SYNE1: variants seen among roughly 807,000 people sequenced by gnomAD.
The protein encoded by SYNE1 is spectrin repeat containing nuclear envelope protein 1, also known as nesprin-1.
A neutral mutation model predicts 1,111.0 loss-of-function variants in SYNE1; 616 were observed. The observed-to-expected ratio is 0.55, with a 90% CI of 0.52 to 0.59. The LOEUF is 0.59. Ranked by LOEUF, SYNE1 falls within the 20% of genes least tolerant of loss-of-function variation. The pLI, the probability that SYNE1 is intolerant of heterozygous loss-of-function variation, is 0.00. For missense variants in SYNE1, 10,006 were observed against 10,417.0 expected (o/e 0.96, Z 1.72); for synonymous variants, 3,855 against 3,825.8 (o/e 1.01, Z -0.28).
intron 85 of SYNE1, 110 bp from the exon 86 acceptor site, chr6:152,318,373 C>A: frequency 8.6e-7 from 1 of 1,166,752 alleles, no homozygotes; most frequent in Non-Finnish European, 1.2e-6. Flanking sequence ...ATGAATAATT[C>A]TACTATAATT....
At chr6:152,551,072 A>AT (rs1412903057) in intron 3 of SYNE1, among the ~76,000 whole-genome samples, 2 of 152,148 alleles carry the variant, frequency 1.3e-5, no homozygotes, top group Non-Finnish European at 2.9e-5. Context: ...ACTTTTGTGG[A>AT]TTTTTTCCTG....
rs762161793 is a variant in SYNE1, at chr6:152,218,315, T to C, written c.22133A>G (p.Gln7378Arg). The C allele has an allele frequency of 4.2e-5, 68 of 1,614,156 alleles. No individual in the cohort carries two copies. The highest frequency in any genetic ancestry group is 5.5e-5 in the Non-Finnish European group (65 of 1,179,994). The change falls in exon 121 of 146, where the codon CAG becomes CGG. Residue 7378 changes from glutamine (Q) to arginine (R), a missense_variant. Coordinates refer to ENST00000367255, the MANE Select transcript of SYNE1 (RefSeq NM_182961.4). ...GAGGTCAGATGAGTGGCTAGGGTCCTGCCCTTGTAGTATTTCTTCAGCTTC... is the reference window on the plus strand; with the variant it reads ...GAGGTCAGATGAGTGGCTAGGGTCCCGCCCTTGTAGTATTTCTTCAGCTTC... Reference protein sequence around the residue: ...IVEAEEILQGQDPSHSSDLST... With the variant: ...IVEAEEILQGRDPSHSSDLST...
intron 56 of SYNE1, among the ~76,000 whole-genome samples, chr6:152,380,266 T>G (rs187115671): frequency 6.6e-6 from 1 of 152,226 alleles, no homozygotes; most frequent in Admixed American, 6.5e-5. Context: ...AGAAGTTTAC[T>G]AAATTTCCTT....
At chr6:152,350,919 A>C in intron 70 of SYNE1, 149 bp from the exon 71 acceptor site, 1 of 953,432 alleles carries the variant, frequency 1.0e-6, no homozygotes. Flanking sequence ...TTAAAGAGAG[A>C]GTGATTTATT....
In SYNE1 at chr6:152,481,455, T is replaced by C. The variant is rs1359983689; in HGVS notation, c.1350+1630A>G. The stretch of plus-strand genomic sequence containing the variant: ...CAAATATTTACATCAATTAAAATAG[T>C]TTCATATGTAGGTAACAGGTACACT... On this transcript the variant is annotated intron_variant, in intron 14 of 145. Coordinates refer to ENST00000367255, the MANE Select transcript of SYNE1 (RefSeq NM_182961.4). 6 of 323,886 alleles carry C rather than the reference T, an allele frequency of 1.9e-5. No individual in the cohort carries two copies. The East Asian group carries it at 3.1e-4, about 17-fold the overall frequency. 20.1% of individuals were successfully genotyped at this position (323,886 alleles called of 1,614,324 possible). A position where few individuals can be genotyped will look rare whatever the true frequency, so the allele number is the denominator to read the frequency against.
At position 152,358,447 on chromosome 6, in the gene SYNE1, G is replaced by C. The variant is rs923346023; in HGVS notation, c.10534C>G (p.Gln3512Glu). The C allele has an allele frequency of 1.2e-6, 2 of 1,614,172 alleles. No homozygotes were observed. Among genetic ancestry groups the C allele is most frequent in the South Asian group, 1.1e-5 (1 of 91,078 alleles). Residue 3512 changes from glutamine (Q) to glutamate (E), a missense_variant, in exon 66 of 146, where the codon CAA (glutamine) becomes GAA (glutamate). Gln to Glu is a conservative substitution (Grantham distance 29). Coordinates refer to ENST00000367255, the MANE Select transcript of SYNE1 (RefSeq NM_182961.4). ...ACTGAATACTGGTCGAGCTTTTCTT[G>C]TTCTTGCCCCAACCAAACTTCAAAT... ...KAFEVWLGQE[Q>E]EKLDQYSVLE...
At chr6:152,593,888 G>C (rs2099573659) in intron 3 of SYNE1, among the ~76,000 whole-genome samples, 1 of 152,144 alleles carries the variant, frequency 6.6e-6, no homozygotes, top group African/African-American at 2.4e-5. Flanking sequence ...CAGCATGTTA[G>C]TAACATGGGC....
rs1185769035 is a variant in SYNE1 at position 152,236,811 on chromosome 6, A to T, written c.20199+6T>A. On this transcript the variant is annotated splice_donor_region_variant and intron_variant, in intron 109 of 145. Transcript: ENST00000367255. ...TAAAGGCAATGTGGCGGCTTGTAAC[A>T]CCAACCTGGTAGAGTGTTATGCGGT... 6.2e-7 allele frequency: 1 copy of T among 1,614,038 alleles called. No homozygotes were observed. The highest frequency in any genetic ancestry group is 1.7e-5 in the Admixed American group (1 of 59,984).
rs1020676939 is a variant in SYNE1, at chr6:152,180,343, G to A, written c.23302-49C>T. On this transcript the variant is annotated intron_variant, in intron 128 of 145. Transcript: ENST00000367255. ...TAGGCAAAATGATTATCAGAGAGAAGACCACACTCCAAGGAAAATAGCAAA... is the reference window on the plus strand; with the variant it reads ...TAGGCAAAATGATTATCAGAGAGAAAACCACACTCCAAGGAAAATAGCAAA... The A allele has an allele frequency of 2.5e-6, 4 of 1,574,192 alleles. No individual in the cohort carries two copies. The South Asian group carries it at 4.4e-5, about 17-fold the overall frequency.
At chr6:152,365,441 C>T (rs934683521) in intron 62 of SYNE1, among the ~76,000 whole-genome samples, 1 of 152,044 alleles carries the variant, frequency 6.6e-6, no homozygotes, top group Admixed American at 6.6e-5. Flanking sequence ...TATTCTTTTT[C>T]TATGTGAGAA....
chr6:152,484,704 T>C, intron 13 of SYNE1, 131 bp downstream of exon 13: 2 of 935,498 alleles, frequency 2.1e-6, no homozygotes, highest in Non-Finnish European at 1.6e-6. Flanking sequence ...GATTCTCCCA[T>C]AGTTAAGTCT....
Position 152,488,388 on chromosome 6 carries a change from TACAA to T in SYNE1, c.1047+4_1047+7del, listed in dbSNP as rs777848987. The T allele has an allele frequency of 6.6e-6, 10 of 1,506,390 alleles. No homozygotes were observed. The African/African-American group carries it at 8.3e-5, about 12-fold the overall frequency. The allele number at this position is 1,506,390 out of a possible 1,614,324, so 93.3% of individuals were successfully genotyped here. ...TTGAAAAATTCAAAAATCTTCTCCA[TACAA>T]TACCTGATATTTATCCTGTAAATTT... On this transcript the variant is annotated splice_donor_5th_base_variant and intron_variant, in intron 12 of 145. Transcript: ENST00000367255.
chr6:152,465,768 C>CAT (rs1357296520), intron 17 of SYNE1, among the ~76,000 whole-genome samples: 3 of 139,524 alleles, frequency 2.2e-5, no homozygotes, highest in Non-Finnish European at 3.2e-5. Flanking sequence ...AGAACACATA[C>CAT]ACACACACAC....
At chr6:152,197,437 C>G (rs886310636) in intron 127 of SYNE1, among the ~76,000 whole-genome samples, 6 of 152,156 alleles carry the variant, frequency 3.9e-5, no homozygotes, top group Non-Finnish European at 7.3e-5. Context: ...TTGCCCAGAT[C>G]CATCATAGGA....
At chr6:152,173,185 CTAAA>C (rs2065622284) in intron 130 of SYNE1, among the ~76,000 whole-genome samples, 1 of 113,800 alleles carries the variant, frequency 8.8e-6, no homozygotes, top group African/African-American at 4.7e-5. Flanking sequence ...TCAGAGTAAT[CTAAA>C]CTAATCTGAT....
In SYNE1 at chr6:152,140,079, C is replaced by T. The variant is rs2058214412; in HGVS notation, c.25329G>A (p.Gln8443=). The part of the protein sequence containing the change: ...LRMKQNLQKW[Q]QFNSDLNSIW... ...TGCTGTTCAAGTCTGAGTTAAACTGCTGCCACTTCTGGAGGTTCTGCTTCA... is the reference window on the plus strand; with the variant it reads ...TGCTGTTCAAGTCTGAGTTAAACTGTTGCCACTTCTGGAGGTTCTGCTTCA... Residue 8443 remains glutamine, a synonymous_variant, in exon 140 of 146, where the codon CAG becomes CAA. Transcript: ENST00000367255. 5 of 1,614,220 alleles carry T rather than the reference C, an allele frequency of 3.1e-6. No individual in the cohort carries two copies. In the South Asian group the frequency reaches 4.4e-5, roughly 14 times the overall value.
At chr6:152,199,257 C>G (rs1021246777) in intron 127 of SYNE1, among the ~76,000 whole-genome samples, 1 of 152,122 alleles carries the variant, frequency 6.6e-6, no homozygotes, top group Non-Finnish European at 1.5e-5. Flanking sequence ...AAACCTCTAA[C>G]TTATCCTTTC....
chr6:152,224,373 T>TA, intron 117 of SYNE1, 121 bp downstream of exon 117: 2 of 997,636 alleles, frequency 2.0e-6, no homozygotes, highest in African/African-American at 3.3e-5. Context: ...TTAAAGATCT[T>TA]AAAAAATAAT....
Position 152,465,260 on chromosome 6 carries a change from T to C in SYNE1, c.1930A>G (p.Lys644Glu). 1 of 1,613,504 alleles carries C rather than the reference T, an allele frequency of 6.2e-7. No individual in the cohort carries two copies. The highest frequency in any genetic ancestry group is 2.2e-5 in the East Asian group (1 of 44,860). ...CTTTTTGCATGAACCAATCTTACCT[T>C]TTTGGCATTTTCTGATTGATTGAGC... is the stretch of plus-strand genomic sequence containing the variant. ...KMLNQSENAK[K>E]DFFRNLPHWI... The change falls in exon 18 of 146, where the codon AAG becomes GAG. Residue 644 changes from lysine to glutamate, a missense_variant and splice_region_variant. Transcript: ENST00000367255.
Sources: gnomAD v4.1 joint callset for allele counts (sites outside exome capture counted in the v4.1 genomes callset) on GRCh38, gnomAD v4.1.1 for gene constraint, MANE v1.5 for transcripts, NCBI Gene and HGNC (gene_info 2026-07-23, HGNC 2026-07-21) for gene names.